BIVM: variants seen among roughly 807,000 people sequenced by gnomAD.
BIVM encodes the protein basic immunoglobulin-like variable motif-containing protein.
In BIVM, 31 loss-of-function variants were observed where a neutral mutation model predicts 61.4. The observed-to-expected ratio is 0.51, with a 90% CI of 0.38 to 0.68. The LOEUF (loss-of-function observed/expected upper bound fraction) is 0.68, where lower values mean the gene tolerates loss of function less well. BIVM is among the 30% of genes least tolerant of loss of function. BIVM has a pLI of 0.00. For synonymous variants in BIVM, 189 were observed against 210.7 expected (o/e 0.90, Z 0.89); for missense variants, 526 against 596.0 (o/e 0.88, Z 1.22).
rs113956991 is a variant in BIVM, at chr13:102,826,673, C to T, written c.901+4514C>T. ...TCCCAAGACTGCATTATGAGTAAGG[C>T]CCTGGGAGACACCAGAACAAGTCTC... On this transcript the variant is annotated intron_variant, in intron 7 of 10. Transcript: ENST00000257336. 6.0e-3 allele frequency among the ~76,000 whole-genome samples: 914 copies of T among 152,256 alleles called. 14 individuals are homozygous for T. The highest frequency in any genetic ancestry group is 0.021 in the African/African-American group (866 of 41,554).
chr13:102,827,190 G>C (rs1424382669), intron 7 of BIVM, among the ~76,000 whole-genome samples: 1 of 148,984 alleles, frequency 6.7e-6, no homozygotes, highest in African/African-American at 2.5e-5. Flanking sequence ...CAAGTTCTTT[G>C]TGACTTATTT....
At chr13:102,818,882 A>G (rs1880052627) in intron 4 of BIVM, among the ~76,000 whole-genome samples, 1 of 152,234 alleles carries the variant, frequency 6.6e-6, no homozygotes, top group Admixed American at 6.5e-5. Flanking sequence ...ATTTAGTGTT[A>G]TGAGAAAAAC....
At chr13:102,803,346 T>C (rs1878864336) in intron 1 of BIVM, among the ~76,000 whole-genome samples, 2 of 151,548 alleles carry the variant, frequency 1.3e-5, no homozygotes, top group Admixed American at 1.3e-4. Context: ...CTACTAAAAA[T>C]ACAAAAATTA....
At chr13:102,820,751 C>A (rs948342183) in intron 4 of BIVM, 11 of 312,074 alleles carry the variant, frequency 3.5e-5, no homozygotes, top group African/African-American at 1.8e-4. Context: ...GGAGTTTACA[C>A]CAAACTTTTA....
At chr13:102,806,797 C>T (rs1026406295) in intron 2 of BIVM, among the ~76,000 whole-genome samples, 2 of 151,848 alleles carry the variant, frequency 1.3e-5, no homozygotes, top group African/African-American at 2.4e-5. Flanking sequence ...GTAATCCCAG[C>T]TACTTGGGAG....
At chr13:102,834,223 G>A (rs1881309279) in intron 8 of BIVM, among the ~76,000 whole-genome samples, 2 of 152,130 alleles carry the variant, frequency 1.3e-5, no homozygotes, top group South Asian at 4.1e-4. Context: ...AATTTTAGAG[G>A]TGGTATATTA....
At position 102,838,709 on chromosome 13, in the gene BIVM, G is replaced by A; in HGVS notation, c.1188G>A (p.Glu396=). The A allele has an allele frequency of 6.2e-7, 1 of 1,613,624 alleles. No individual in the cohort carries two copies. The highest frequency in any genetic ancestry group is 2.2e-5 in the East Asian group (1 of 44,844). ...NPEYLDIRHL[E]RGLQYRKTKK... ...AATACCTGGATATCCGGCACTTAGA[G>A]AGGGGACTGCAGTATAGAAAAACAA... Residue 396 remains glutamate, a synonymous_variant, in exon 10 of 11, where the codon GAG becomes GAA. Coordinates refer to ENST00000257336, the MANE Select transcript of BIVM (RefSeq NM_017693.4).
At position 102,822,119 on chromosome 13, in the gene BIVM, A is replaced by C; in HGVS notation, c.861A>C (p.Leu287=). 6.2e-7 allele frequency: 1 copy of C among 1,614,022 alleles called. No homozygotes were observed. Among genetic ancestry groups the C allele is most frequent in the Non-Finnish European group, 8.5e-7 (1 of 1,180,004 alleles). Residue 287 remains leucine, a synonymous_variant, in exon 7 of 11, where the codon CTA becomes CTC. Transcript: ENST00000257336. ...ATGTAAAAGGATGCTCTTATGTTCT[A>C]TATAAGCCTCATGGGAAGAATAAAA... ...HFHVKGCSYV[L]YKPHGKNKTA... is the part of the protein sequence containing the mutation.
chr13:102,807,675 G>A lies in BIVM; in HGVS notation c.408G>A (p.Lys136=), dbSNP rs1334950356. The A allele has an allele frequency of 1.2e-6, 2 of 1,614,124 alleles. No homozygotes were observed. Among genetic ancestry groups the A allele is most frequent in the Non-Finnish European group, 1.7e-6 (2 of 1,180,042 alleles). ...SLENLSNSLG[K]LPLAWEIDKS... Reference sequence around the variant, plus strand: ...AAAACTTATCCAACAGCCTGGGCAAGCTACCTCTCGCATGGGAAATTGATA... The same window carrying A: ...AAAACTTATCCAACAGCCTGGGCAAACTACCTCTCGCATGGGAAATTGATA... Residue 136 remains lysine (K), a synonymous_variant, in exon 3 of 11, where the codon AAG becomes AAA. Coordinates refer to ENST00000257336, the MANE Select transcript of BIVM (RefSeq NM_017693.4). This position sits in a 1 kb window ranked among gnomAD's most constrained non-coding sequence, Gnocchi z 4.0.
intron 7 of BIVM, among the ~76,000 whole-genome samples, chr13:102,826,570 A>G (rs1880685612): frequency 1.3e-5 from 2 of 152,220 alleles, no homozygotes; most frequent in Non-Finnish European, 2.9e-5. Flanking sequence ...GGAGTATAGA[A>G]ATAATCACTG....
At chr13:102,818,799 T>G (rs1274967551) in intron 4 of BIVM, among the ~76,000 whole-genome samples, 4 of 152,190 alleles carry the variant, frequency 2.6e-5, no homozygotes, top group African/African-American at 9.6e-5. Context: ...AAGTTTAGAT[T>G]GATGAAAAAG....
chr13:102,809,795 T>TTC lies in BIVM; in HGVS notation c.478+2051_478+2052insCT, dbSNP rs1194681421. On this transcript the variant is annotated intron_variant, in intron 3 of 10. Coordinates refer to ENST00000257336, the MANE Select transcript of BIVM (RefSeq NM_017693.4). The stretch of plus-strand genomic sequence containing the variant: ...TTCCTTTTCTTTTCTTTCTTTTTTT[T>TTC]TTTTTTCTGAGACAGAGTCTCGCTC... Among the ~76,000 whole-genome samples, 2 of 151,194 alleles carry TTC rather than the reference T, an allele frequency of 1.3e-5. 1 individual carries two copies. Among genetic ancestry groups the TTC allele is most frequent in the Non-Finnish European group, 3.0e-5 (2 of 67,716 alleles).
chr13:102,809,944 C>T lies in BIVM; in HGVS notation c.478+2199C>T, dbSNP rs113467689. On this transcript the variant is annotated intron_variant, in intron 3 of 10. Transcript: ENST00000257336. ...GGGACTACAGGCGCCTGTCACCGTG[C>T]CCGGCTACTTTTTTGTATTTTTAGT... Among the ~76,000 whole-genome samples, 461 of 152,218 alleles carry T rather than the reference C, an allele frequency of 3.0e-3. 3 individuals carry two copies. The highest frequency in any genetic ancestry group is 9.9e-3 in the African/African-American group (413 of 41,536).
At chr13:102,837,827 A>G (rs1881584342) in intron 9 of BIVM, among the ~76,000 whole-genome samples, 1 of 152,170 alleles carries the variant, frequency 6.6e-6, no homozygotes, top group Non-Finnish European at 1.5e-5. Flanking sequence ...ATATGTTTTC[A>G]CTTTAAGTGG....
At chr13:102,836,691 C>T (rs1157990457) in intron 9 of BIVM, among the ~76,000 whole-genome samples, 1 of 152,172 alleles carries the variant, frequency 6.6e-6, no homozygotes, top group African/African-American at 2.4e-5. Context: ...GTTATTCTAG[C>T]ACTATTTGTT....
intron 3 of BIVM, among the ~76,000 whole-genome samples, chr13:102,808,973 A>G (rs1879298260): frequency 6.6e-6 from 1 of 151,796 alleles, no homozygotes; most frequent in South Asian, 2.1e-4. Flanking sequence ...CAATTTTGTT[A>G]ATCTTTTCAA....
Position 102,816,562 on chromosome 13 carries a change from T to C in BIVM, c.605+8T>C. The C allele has an allele frequency of 6.7e-7, 1 of 1,499,250 alleles. No individual in the cohort carries two copies. The highest frequency in any genetic ancestry group is 1.4e-5 in the South Asian group (1 of 69,730). The allele number at this position is 1,499,250 out of a possible 1,614,324, so 92.9% of individuals were successfully genotyped here. A position where few individuals can be genotyped will look rare whatever the true frequency, so the allele number is the denominator to read the frequency against. ...ATTAGACCTCAGACGATGGTGATGT[T>C]ATCAGTTTTTATTTTTTTCATTTTT... is the stretch of plus-strand genomic sequence containing the variant. On this transcript the variant is annotated splice_region_variant and intron_variant, in intron 4 of 10. Transcript: ENST00000257336.
chr13:102,822,200 C>T, intron 7 of BIVM, 41 bp downstream of exon 7: 1 of 1,556,280 alleles, frequency 6.4e-7, no homozygotes, highest in Non-Finnish European at 8.8e-7. Context: ...CACATACACA[C>T]ATGCACACAC....
At chr13:102,820,926 G>T (rs1043711751) in intron 4 of BIVM, 111 bp from the exon 5 acceptor site, 33 of 927,946 alleles carry the variant, frequency 3.6e-5, no homozygotes, top group Non-Finnish European at 5.3e-5. Flanking sequence ...ATTGACTTAG[G>T]GGATCAAAGT....
Sources: allele counts gnomAD v4.1 joint callset (sites outside exome capture counted in the v4.1 genomes callset), GRCh38; gene constraint gnomAD v4.1.1; non-coding constraint Gnocchi (gnomAD v3.1); transcripts MANE v1.5; gene names NCBI Gene and HGNC (gene_info 2026-07-23, HGNC 2026-07-21).